Variants in DENR observed in about 807,000 individuals in gnomAD.
The protein encoded by DENR is density regulated re-initiation and release factor.
In DENR, 6 loss-of-function variants were observed where a neutral mutation model predicts 30.6. The observed-to-expected ratio is 0.20, with a 90% CI of 0.11 to 0.39. The LOEUF is 0.39. Among genes scored for constraint, DENR ranks in the 10% least tolerant of loss-of-function variants. The probability of loss-of-function intolerance (pLI) is 1.00; values close to 1 mark genes in which losing one functional copy is unlikely to be tolerated. For synonymous variants in DENR, 78 were observed against 72.1 expected (o/e 1.08, Z -0.41); for missense variants, 141 against 230.9 (o/e 0.61, Z 2.52).
intron 2 of DENR, among the ~76,000 whole-genome samples, chr12:122,756,421 C>T (rs1223471320): frequency 6.6e-6 from 1 of 152,058 alleles, no homozygotes; most frequent in Non-Finnish European, 1.5e-5. Flanking sequence ...TGCACTCAGC[C>T]TTTGAGAGCA....
chr12:122,756,294 C>A (rs1001439894), intron 2 of DENR, among the ~76,000 whole-genome samples: 1 of 152,072 alleles, frequency 6.6e-6, no homozygotes, highest in African/African-American at 2.4e-5. Flanking sequence ...ACTAAAAATA[C>A]AAAAATTAGC....
chr12:122,753,637 T>C (rs1357615750), intron 1 of DENR, 56 bp from the exon 2 acceptor site: 15 of 1,366,270 alleles, frequency 1.1e-5, no homozygotes, highest in Non-Finnish European at 1.5e-5. Flanking sequence ...GGAACACTGC[T>C]CTTCTGGGGT....
intron 4 of DENR, among the ~76,000 whole-genome samples, chr12:122,763,561 C>T (rs574700847): frequency 6.6e-6 from 1 of 151,968 alleles, no homozygotes; most frequent in South Asian, 2.1e-4. Flanking sequence ...CAAAGCTGGG[C>T]GTGGTGGCGC....
rs1413490819 is a variant in DENR at position 122,769,298 on chromosome 12, A to G, written c.*220A>G. ...TATACATATATACACATATATGTAT[A>G]CATATATACACATATGTATACATAT... On this transcript the variant is annotated 3_prime_UTR_variant, in exon 8 of 8. Coordinates refer to ENST00000280557, the MANE Select transcript of DENR (RefSeq NM_003677.5). 1 of 686,502 alleles carries G rather than the reference A, an allele frequency of 1.5e-6. No individual in the cohort carries two copies. Among genetic ancestry groups the G allele is most frequent in the South Asian group, 6.4e-5 (1 of 15,660 alleles). The allele number at this position is 686,502 out of a possible 1,614,324, so 42.5% of individuals were successfully genotyped here.
rs181930117 is a variant in DENR at position 122,756,404 on chromosome 12, G to A, written c.106+2597G>A. The stretch of plus-strand genomic sequence containing the variant: ...GCGGAGATTGCAGTGAGCCAAGATC[G>A]TGCCACTGCACTCAGCCTTTGAGAG... On this transcript the variant is annotated intron_variant, in intron 2 of 7. Transcript: ENST00000280557. 3.9e-5 allele frequency among the ~76,000 whole-genome samples: 6 copies of A among 152,262 alleles called. No homozygotes were observed. In the East Asian group the frequency reaches 5.8e-4, roughly 15 times the overall value.
chr12:122,769,183 T>A lies in DENR; in HGVS notation c.*105T>A. The A allele has an allele frequency of 3.8e-6, 4 of 1,055,360 alleles. No individual in the cohort carries two copies. Among genetic ancestry groups the A allele is most frequent in the Non-Finnish European group, 3.7e-6 (3 of 804,980 alleles). The allele number at this position is 1,055,360 out of a possible 1,614,324, so 65.4% of individuals were successfully genotyped here. The stretch of plus-strand genomic sequence containing the variant: ...ATATATATACACATATATATGTATA[T>A]ATACACATATATGTATGTATACACA... On this transcript the variant is annotated 3_prime_UTR_variant, in exon 8 of 8. Transcript: ENST00000280557.
chr12:122,769,152 AT>A lies in DENR; in HGVS notation c.*75del. The A allele has an allele frequency of 4.6e-6, 5 of 1,084,304 alleles. No homozygotes were observed. The highest frequency in any genetic ancestry group is 3.6e-5 in the East Asian group (1 of 27,850). The allele number at this position is 1,084,304 out of a possible 1,614,324, so 67.2% of individuals were successfully genotyped here. A position where few individuals can be genotyped will look rare whatever the true frequency, so the allele number is the denominator to read the frequency against. On this transcript the variant is annotated 3_prime_UTR_variant, in exon 8 of 8. Transcript: ENST00000280557. ...GCCAAAGGGAGAGAGGCCTTTTAAAATATATATATATATACACATATATATG... is the reference window on the plus strand; with the variant it reads ...GCCAAAGGGAGAGAGGCCTTTTAAAAATATATATATATACACATATATATG...
intron 3 of DENR, 142 bp from the exon 4 acceptor site, chr12:122,762,703 A>G (rs1566060000): frequency 1.6e-6 from 1 of 637,234 alleles, no homozygotes; most frequent in Admixed American, 3.4e-5. Context: ...GGTTGAATAC[A>G]GATTTCCTGT....
chr12:122,762,250 A>T lies in DENR; in HGVS notation c.126+44A>T, dbSNP rs75389155. 3.1e-6 allele frequency: 4 copies of T among 1,289,878 alleles called. No homozygotes were observed. The East Asian group carries it at 7.8e-5, about 25-fold the overall frequency. 79.9% of individuals were successfully genotyped at this position (1,289,878 alleles called of 1,614,324 possible). ...TTTTTTACCTTATGTATTTGAAGTT[A>T]TTCTTGGTTTTAAAGCTACCTTGAG... is the stretch of plus-strand genomic sequence containing the variant. On this transcript the variant is annotated intron_variant, in intron 3 of 7. Coordinates refer to ENST00000280557, the MANE Select transcript of DENR (RefSeq NM_003677.5).
In DENR at chr12:122,769,049, A is replaced by T; in HGVS notation, c.568A>T (p.Ile190Phe). 1.9e-6 allele frequency: 3 copies of T among 1,611,380 alleles called. No individual in the cohort carries two copies. The highest frequency in any genetic ancestry group is 2.5e-6 in the Non-Finnish European group (3 of 1,178,962). Residue 190 changes from isoleucine (I) to phenylalanine (F), a missense_variant, in exon 8 of 8, where the codon ATC (isoleucine) becomes TTC (phenylalanine). By Grantham distance (21) the Ile-to-Phe change is conservative (BLOSUM62 0). Transcript: ENST00000280557. The stretch of plus-strand genomic sequence containing the variant: ...TGTTTTATAGGTAGATGATGACAGC[A>T]TCGAAGATCTTGGAGAAGTAAAGAA... The part of the protein sequence containing the change: ...EKWPEVDDDS[I>F]EDLGEVKK
Position 122,769,260 on chromosome 12 carries a change from A to G in DENR, c.*182A>G, listed in dbSNP as rs1878949777. The G allele has an allele frequency of 2.7e-6, 2 of 736,070 alleles. 1 individual carries two copies. The highest frequency in any genetic ancestry group is 4.3e-5 in the African/African-American group (2 of 46,412). 45.6% of individuals were successfully genotyped at this position (736,070 alleles called of 1,614,324 possible). On this transcript the variant is annotated 3_prime_UTR_variant, in exon 8 of 8. Transcript: ENST00000280557. ...TATGTATACATGTATATATATATAC[A>G]TACACATATATGTATACATATATAC...
chr12:122,760,635 G>A (rs561389679), intron 2 of DENR, among the ~76,000 whole-genome samples: 14 of 152,326 alleles, frequency 9.2e-5, no homozygotes, highest in African/African-American at 3.4e-4. Context: ...GGAGACTGAG[G>A]CAGGAGAATG....
intron 2 of DENR, among the ~76,000 whole-genome samples, chr12:122,756,686 G>A (rs1446811420): frequency 2.0e-5 from 3 of 152,150 alleles, no homozygotes; most frequent in Non-Finnish European, 2.9e-5. Context: ...AGGGAGTTTC[G>A]AGTGTTACAG....
chr12:122,770,465 G>T lies in DENR; in HGVS notation c.*1387G>T, dbSNP rs924669621. The T allele has an allele frequency of 3.3e-5, 13 of 396,312 alleles. No individual in the cohort carries two copies. Among genetic ancestry groups the T allele is most frequent in the African/African-American group, 2.3e-4 (11 of 48,574 alleles). 24.5% of individuals were successfully genotyped at this position (396,312 alleles called of 1,614,324 possible). A position where few individuals can be genotyped will look rare whatever the true frequency, so the allele number is the denominator to read the frequency against. Reference sequence around the variant, plus strand: ...TGGAAGGCCGTTCAGAGAGGCTAGAGGTTCTTATTCTGGCTATAAATTATG... The same window carrying T: ...TGGAAGGCCGTTCAGAGAGGCTAGATGTTCTTATTCTGGCTATAAATTATG... On this transcript the variant is annotated 3_prime_UTR_variant, in exon 8 of 8. Transcript: ENST00000280557.
At chr12:122,760,066 A>G (rs1437078295) in intron 2 of DENR, among the ~76,000 whole-genome samples, 3 of 152,176 alleles carry the variant, frequency 2.0e-5, no homozygotes, top group African/African-American at 7.2e-5. Flanking sequence ...TTAGAATGTT[A>G]GTAGGGTGAG....
chr12:122,766,710 T>C (rs1878859005), intron 5 of DENR, among the ~76,000 whole-genome samples: 1 of 152,218 alleles, frequency 6.6e-6, no homozygotes, highest in Non-Finnish European at 1.5e-5. Context: ...TTACATTCTC[T>C]TTCTCCCTTT....
intron 6 of DENR, chr12:122,768,280 C>T (rs1203326643): frequency 6.6e-6 from 1 of 152,630 alleles, no homozygotes; most frequent in Non-Finnish European, 1.5e-5. Context: ...GGGCGGATCA[C>T]CTGAGGTAGG....
intron 5 of DENR, among the ~76,000 whole-genome samples, chr12:122,765,660 C>T (rs925207826): frequency 6.6e-6 from 1 of 152,064 alleles, no homozygotes; most frequent in South Asian, 2.1e-4. Flanking sequence ...AACATTAATA[C>T]CATGTACCTG....
rs757354670 is a variant in DENR, at chr12:122,768,847, G to A, written c.478G>A (p.Gly160Arg). The A allele has an allele frequency of 6.2e-7, 1 of 1,611,018 alleles. No homozygotes were observed. ...ATTCTCCTGTGGTGCCTCAGTAACAGGGGAGGATGAAATTATCATTCAGGG... is the reference window on the plus strand; with the variant it reads ...ATTCTCCTGTGGTGCCTCAGTAACAAGGGAGGATGAAATTATCATTCAGGG... ...QKFSCGASVT[G>R]EDEIIIQGDF... is the part of the protein sequence containing the mutation. Residue 160 changes from glycine to arginine, a missense_variant, in exon 7 of 8, where the codon GGG becomes AGG. Physicochemically the swap from Gly to Arg is moderately radical, Grantham distance 125. Transcript: ENST00000280557.
Sources: allele counts gnomAD v4.1 joint callset (sites outside exome capture counted in the v4.1 genomes callset), GRCh38; gene constraint gnomAD v4.1.1; transcripts MANE v1.5; gene names NCBI Gene and HGNC (gene_info 2026-07-23, HGNC 2026-07-21).